The following AGBL4 variants were observed in gnomAD, a reference collection of about 807,000 sequenced individuals.
AGBL4 encodes cytosolic carboxypeptidase 6.
A neutral mutation model predicts 66.4 loss-of-function variants in AGBL4; 58 were observed. That is an observed-to-expected ratio of 0.87 (90% confidence interval 0.71 to 1.09). AGBL4 has a LOEUF of 1.09. Among genes scored for constraint, AGBL4 ranks in the 50% least tolerant of loss-of-function variants. AGBL4 has a pLI of 0.00. For synonymous variants in AGBL4, 234 were observed against 222.9 expected, an observed-to-expected ratio of 1.05 and a Z score of -0.44; for missense variants, 579 against 631.0, an observed-to-expected ratio of 0.92 and a Z score of 0.88.
At chr1:49,165,670 GAGAC>G (rs1269718295) in intron 4 of AGBL4, among the ~76,000 whole-genome samples, 4 of 151,668 alleles carry the variant, frequency 2.6e-5, no homozygotes, top group Non-Finnish European at 4.4e-5. Flanking sequence ...GGGAAGGAAA[GAGAC>G]AGAGAAGAGA....
chr1:48,626,151 C>T (rs1305643834), intron 9 of AGBL4, among the ~76,000 whole-genome samples: 1 of 152,314 alleles, frequency 6.6e-6, no homozygotes, highest in Non-Finnish European at 1.5e-5. Flanking sequence ...TTTGAGCAGA[C>T]CTAAGAGTGC....
chr1:49,268,489 A>G (rs1643981096), intron 3 of AGBL4, among the ~76,000 whole-genome samples: 1 of 150,910 alleles, frequency 6.6e-6, no homozygotes, highest in African/African-American at 2.4e-5. Context: ...CTGGAGTGCA[A>G]TAGTGTGATC....
At chr1:48,673,758 T>C (rs1269868676) in intron 6 of AGBL4, among the ~76,000 whole-genome samples, 1 of 152,104 alleles carries the variant, frequency 6.6e-6, no homozygotes, top group East Asian at 1.9e-4. Context: ...CAAGGAAGGG[T>C]CAGTCATGAG....
intron 2 of AGBL4, among the ~76,000 whole-genome samples, chr1:49,850,814 T>C (rs1225607936): frequency 1.3e-5 from 2 of 152,122 alleles, no homozygotes; most frequent in Non-Finnish European, 2.9e-5. Flanking sequence ...GTCTCTACTG[T>C]GTGACAATTA....
rs147142633 is a variant in AGBL4, at chr1:49,411,762, G to A, written c.283-165898C>T. Among the ~76,000 whole-genome samples, 19 of 152,250 alleles carry A rather than the reference G, an allele frequency of 1.2e-4. No individual in the cohort carries two copies. In the East Asian group the frequency reaches 3.5e-3, roughly 28 times the overall value. ...AAATTAAGGTCATTGAAGAGTTTGA[G>A]CAGGACACTGACACAACCAAATTTG... On this transcript the variant is annotated intron_variant, in intron 3 of 13. Coordinates refer to ENST00000371839, the MANE Select transcript of AGBL4 (RefSeq NM_032785.4).
rs528089495 is a variant in AGBL4 at position 48,904,026 on chromosome 1, C to T, written c.595-36796G>A. Among the ~76,000 whole-genome samples, 8 of 152,252 alleles carry T rather than the reference C, an allele frequency of 5.3e-5. No individual in the cohort carries two copies. In the East Asian group the frequency reaches 1.5e-3, roughly 29 times the overall value. ...AGGCATGGTGGCTCACAGCTGCAAT[C>T]CCAGCACTTTGGGAGGCTAACGTGG... On this transcript the variant is annotated intron_variant, in intron 5 of 13. Transcript: ENST00000371839.
intron 4 of AGBL4, among the ~76,000 whole-genome samples, chr1:49,058,516 C>T (rs1644346005): frequency 1.3e-5 from 2 of 152,156 alleles, no homozygotes; most frequent in Admixed American, 6.5e-5. Context: ...CCAATTAAAC[C>T]TCTTTTATAA....
intron 9 of AGBL4, among the ~76,000 whole-genome samples, chr1:48,594,319 C>T (rs1299081929): frequency 6.6e-6 from 1 of 152,062 alleles, no homozygotes; most frequent in Non-Finnish European, 1.5e-5. Context: ...AGTGAAACTC[C>T]ATCTCAATAA....
At chr1:48,830,287 A>G (rs777606440) in intron 6 of AGBL4, among the ~76,000 whole-genome samples, 9 of 152,238 alleles carry the variant, frequency 5.9e-5, no homozygotes, top group Admixed American at 1.3e-4. Flanking sequence ...GTGCATTCAC[A>G]TGCCATTCTT....
chr1:48,960,926 T>G (rs905419144), intron 5 of AGBL4, among the ~76,000 whole-genome samples: 1 of 152,240 alleles, frequency 6.6e-6, no homozygotes, highest in East Asian at 1.9e-4. Flanking sequence ...TAATACACAC[T>G]CTGCAATTAG....
chr1:49,926,856 C>G (rs570625069), intron 1 of AGBL4, among the ~76,000 whole-genome samples: 1 of 151,962 alleles, frequency 6.6e-6, no homozygotes, highest in South Asian at 2.1e-4. Context: ...AGGGACAGAA[C>G]TAATAGGATA....
At chr1:48,567,745 G>C (rs757128730) in intron 11 of AGBL4, among the ~76,000 whole-genome samples, 1 of 152,202 alleles carries the variant, frequency 6.6e-6, no homozygotes, top group Non-Finnish European at 1.5e-5. Flanking sequence ...CAGATGGCAC[G>C]TCTTTGGCTG....
intron 8 of AGBL4, 143 bp downstream of exon 8, chr1:48,653,190 TTCTC>T: frequency 1.6e-6 from 1 of 626,618 alleles, no homozygotes; most frequent in Non-Finnish European, 2.7e-6. Flanking sequence ...ATTAAAGAAA[TTCTC>T]AAGAGCCAGG....
At chr1:49,447,743 C>A (rs527423193) in intron 3 of AGBL4, among the ~76,000 whole-genome samples, 1 of 152,272 alleles carries the variant, frequency 6.6e-6, no homozygotes, top group East Asian at 1.9e-4. Context: ...TTTCACAATA[C>A]CAAGTCCCTT....
intron 4 of AGBL4, among the ~76,000 whole-genome samples, chr1:49,231,866 T>C (rs1255150334): frequency 6.6e-6 from 1 of 152,226 alleles, no homozygotes; most frequent in Non-Finnish European, 1.5e-5. Context: ...ATAAGTTATA[T>C]AAGGTATTCA....
intron 1 of AGBL4, among the ~76,000 whole-genome samples, chr1:49,922,978 T>C (rs76442751): frequency 0.069 from 10,440 of 152,110 alleles, 1,123 homozygotes; most frequent in African/African-American, 0.23. Flanking sequence ...TTTAAAATTC[T>C]TAGGGAACCA....
At chr1:49,847,786 C>G (rs1646191096) in intron 2 of AGBL4, among the ~76,000 whole-genome samples, 2 of 151,674 alleles carry the variant, frequency 1.3e-5, no homozygotes, top group Non-Finnish European at 2.9e-5. Context: ...ACTGCAGGCT[C>G]CACCCGCCAG....
intron 5 of AGBL4, among the ~76,000 whole-genome samples, chr1:48,964,304 A>G (rs1658244074): frequency 1.3e-5 from 2 of 151,828 alleles, no homozygotes; most frequent in Admixed American, 1.3e-4. Flanking sequence ...AGCAATATCC[A>G]CTCCTTGGTT....
At chr1:49,948,562 A>G (rs537532467) in intron 1 of AGBL4, among the ~76,000 whole-genome samples, 5 of 103,230 alleles carry the variant, frequency 4.8e-5, no homozygotes, top group South Asian at 2.8e-4. Flanking sequence ...TAAATATATA[A>G]AAATATATAT....
Sources: gnomAD v4.1 joint callset for allele counts (sites outside exome capture counted in the v4.1 genomes callset) on GRCh38, gnomAD v4.1.1 for gene constraint, MANE v1.5 for transcripts, NCBI Gene and HGNC (gene_info 2026-07-23, HGNC 2026-07-21) for gene names.